The following RBFOX1 variants were observed in gnomAD, a reference collection of about 807,000 sequenced individuals.
The protein encoded by RBFOX1 is RNA binding fox-1 homolog 1.
A neutral mutation model predicts 57.7 loss-of-function variants in RBFOX1; 8 were observed. The observed-to-expected ratio is 0.14, with a 90% confidence interval of 0.08 to 0.25. The LOEUF (loss-of-function observed/expected upper bound fraction) is 0.25, where lower values mean the gene tolerates loss of function less well. Ranked by LOEUF, RBFOX1 falls within the 10% of genes least tolerant of loss-of-function variation. RBFOX1 has a pLI of 1.00. For missense variants in RBFOX1, 611 were observed against 548.5 expected (o/e 1.11, Z -1.14); for synonymous variants, 326 against 222.4 (o/e 1.47, Z -4.15).
intron 3 of RBFOX1, among the ~76,000 whole-genome samples, chr16:5,710,881 T>A (rs1390434786): frequency 6.6e-6 from 1 of 152,146 alleles, no homozygotes; most frequent in African/African-American, 2.4e-5. Context: ...GGATGACGGG[T>A]CCTCTTTGTC....
chr16:6,009,158 G>A (rs968249343), intron 4 of RBFOX1, among the ~76,000 whole-genome samples: 5 of 151,418 alleles, frequency 3.3e-5, no homozygotes, highest in African/African-American at 9.7e-5. Context: ...TGTGCACACG[G>A]GTTCACAACA....
chr16:6,571,642 T>G (rs2097346140), intron 2 of RBFOX1, among the ~76,000 whole-genome samples: 2 of 152,100 alleles, frequency 1.3e-5, no homozygotes, highest in African/African-American at 4.8e-5. Context: ...CAGAGAATCT[T>G]GGGGTTCTCT....
chr16:6,890,883 G>C (rs1048235122), intron 3 of RBFOX1, among the ~76,000 whole-genome samples: 1 of 152,206 alleles, frequency 6.6e-6, no homozygotes, highest in African/African-American at 2.4e-5. Context: ...AAGGGATGAA[G>C]TCAGGGGTAT....
chr16:5,973,842 T>C (rs993509187), intron 4 of RBFOX1, among the ~76,000 whole-genome samples: 1 of 152,254 alleles, frequency 6.6e-6, no homozygotes, highest in African/African-American at 2.4e-5. Context: ...ACTTGGGGCT[T>C]ATCCAAACTT....
intron 4 of RBFOX1, among the ~76,000 whole-genome samples, chr16:5,900,558 C>G (rs187335312): frequency 6.6e-6 from 1 of 152,160 alleles, no homozygotes; most frequent in Non-Finnish European, 1.5e-5. Flanking sequence ...ACCCGTTCAT[C>G]GCAACCTTCC....
At chr16:6,126,493 G>T (rs921299047) in intron 1 of RBFOX1, among the ~76,000 whole-genome samples, 1 of 152,176 alleles carries the variant, frequency 6.6e-6, no homozygotes, top group African/African-American at 2.4e-5. Context: ...ATCAGACAAA[G>T]ATAGTTATGT....
intron 4 of RBFOX1, among the ~76,000 whole-genome samples, chr16:5,963,570 G>T (rs1267495658): frequency 6.6e-6 from 1 of 152,178 alleles, no homozygotes; most frequent in African/African-American, 2.4e-5. Context: ...ACATAGACCA[G>T]TGGAGCTTAA....
intron 2 of RBFOX1, among the ~76,000 whole-genome samples, chr16:6,518,061 T>C (rs946891374): frequency 2.0e-5 from 3 of 152,232 alleles, no homozygotes; most frequent in Non-Finnish European, 4.4e-5. Flanking sequence ...CTAATTCAAG[T>C]TGGAGATTTT....
At chr16:5,798,725 TG>T (rs1050010130) in intron 3 of RBFOX1, among the ~76,000 whole-genome samples, 7 of 152,228 alleles carry the variant, frequency 4.6e-5, no homozygotes, top group African/African-American at 1.7e-4. Context: ...CGTTCCACTT[TG>T]TTCGTTGTGG....
chr16:7,586,336 T>G (rs749047453), intron 6 of RBFOX1, among the ~76,000 whole-genome samples: 31 of 152,218 alleles, frequency 2.0e-4, no homozygotes, highest in Admixed American at 1.3e-3. Flanking sequence ...GGATTTCAGA[T>G]GATCCGATGC....
chr16:7,130,490 G>T lies in RBFOX1; in HGVS notation c.27+78392G>T, dbSNP rs74009052. Among the ~76,000 whole-genome samples, 1,173 of 152,252 alleles carry T rather than the reference G, an allele frequency of 7.7e-3. 20 individuals carry two copies. The highest frequency in any genetic ancestry group is 0.026 in the African/African-American group (1,095 of 41,542). ...GATCATCTCTGTCTCACTCATTGCA[G>T]TACTCTAATGCCTAACACAGAGCCT... On this transcript the variant is annotated intron_variant, in intron 4 of 15. Transcript: ENST00000550418.
chr16:6,667,772 C>T (rs1204365144), intron 3 of RBFOX1, among the ~76,000 whole-genome samples: 2 of 151,892 alleles, frequency 1.3e-5, no homozygotes, highest in Non-Finnish European at 2.9e-5. Flanking sequence ...GCCTGTAGTC[C>T]CAGCTACTCA....
chr16:5,971,737 G>C (rs906868260), intron 4 of RBFOX1, among the ~76,000 whole-genome samples: 1 of 152,190 alleles, frequency 6.6e-6, no homozygotes, highest in African/African-American at 2.4e-5. Flanking sequence ...ATTTGCAGTT[G>C]TTATGTTGAC....
intron 10 of RBFOX1, among the ~76,000 whole-genome samples, chr16:7,617,766 A>G (rs897519767): frequency 6.6e-5 from 10 of 152,230 alleles, no homozygotes; most frequent in African/African-American, 2.4e-4. Context: ...ACAGGGTAGT[A>G]GAAGGATGCA....
At chr16:5,962,372 C>A (rs1280573274) in intron 4 of RBFOX1, among the ~76,000 whole-genome samples, 5 of 152,192 alleles carry the variant, frequency 3.3e-5, no homozygotes. Flanking sequence ...TCATCCCAGT[C>A]CCTAGATATG....
chr16:6,924,847 C>T (rs529882219), intron 3 of RBFOX1, among the ~76,000 whole-genome samples: 92 of 123,836 alleles, frequency 7.4e-4, no homozygotes, highest in South Asian at 1.7e-3. Context: ...CTCCCCCTAC[C>T]CCACAACAGT....
intron 3 of RBFOX1, among the ~76,000 whole-genome samples, chr16:5,712,469 C>G (rs377699093): frequency 2.6e-5 from 4 of 152,280 alleles, no homozygotes; most frequent in African/African-American, 9.6e-5. Flanking sequence ...TTGGCTTTCA[C>G]GCATGCTGAT....
At chr16:7,690,764 G>A (rs529070048) in intron 14 of RBFOX1, among the ~76,000 whole-genome samples, 1 of 152,216 alleles carries the variant, frequency 6.6e-6, no homozygotes, top group South Asian at 2.1e-4. Flanking sequence ...GCTTGAGAGA[G>A]GGTCATAGAT....
At chr16:6,015,771 C>T (rs1280570711), upstream of RBFOX1, among the ~76,000 whole-genome samples, 2 of 152,232 alleles carry the variant, frequency 1.3e-5, no homozygotes, top group Non-Finnish European at 1.5e-5. Context: ...CTTTGCCTGA[C>T]CTTCTGCCCT....
Sources: allele counts gnomAD v4.1 joint callset (sites outside exome capture counted in the v4.1 genomes callset), GRCh38; gene constraint gnomAD v4.1.1; transcripts MANE v1.5; gene names NCBI Gene and HGNC (gene_info 2026-07-23, HGNC 2026-07-21).